The following PTPRR variants were observed in gnomAD, a reference collection of about 807,000 sequenced individuals.
PTPRR encodes receptor-type tyrosine-protein phosphatase R.
In PTPRR, 38 loss-of-function variants were observed where a neutral mutation model predicts 77.2. That is an observed-to-expected ratio of 0.49 (90% CI 0.38 to 0.65). The LOEUF (loss-of-function observed/expected upper bound fraction) is 0.65, where lower values mean the gene tolerates loss of function less well. Among genes scored for constraint, PTPRR ranks in the 30% least tolerant of loss-of-function variants. The probability of loss-of-function intolerance (pLI) is 0.00; values close to 1 mark genes in which losing one functional copy is unlikely to be tolerated. For synonymous variants in PTPRR, 299 were observed against 283.1 expected (o/e 1.06, Z -0.57); for missense variants, 744 against 799.2 (o/e 0.93, Z 0.83).
At chr12:70,905,166 G>T (rs1270470811) in intron 1 of PTPRR, among the ~76,000 whole-genome samples, 1 of 151,730 alleles carries the variant, frequency 6.6e-6, no homozygotes, top group Non-Finnish European at 1.5e-5. Context: ...TAGGTAGAGG[G>T]GAGGGAGATT....
chr12:70,853,940 G>A (rs1892612174), intron 2 of PTPRR, among the ~76,000 whole-genome samples: 1 of 152,198 alleles, frequency 6.6e-6, no homozygotes, highest in Non-Finnish European at 1.5e-5. Context: ...GGTCGTAGAT[G>A]TGTGTTTGTG....
At chr12:70,677,748 G>A (rs1041927107) in intron 10 of PTPRR, among the ~76,000 whole-genome samples, 4 of 152,140 alleles carry the variant, frequency 2.6e-5, no homozygotes, top group African/African-American at 4.8e-5. Context: ...GCATCCCTGG[G>A]ATGAATTCCC....
chr12:70,894,784 T>A (rs1419856582), intron 1 of PTPRR, among the ~76,000 whole-genome samples: 2 of 151,744 alleles, frequency 1.3e-5, no homozygotes. Flanking sequence ...TCCGAGGAAC[T>A]CATTTAATAT....
intron 2 of PTPRR, among the ~76,000 whole-genome samples, chr12:70,850,099 C>T (rs921096001): frequency 6.6e-6 from 1 of 152,186 alleles, no homozygotes; most frequent in East Asian, 1.9e-4. Flanking sequence ...TGGTGGCTCA[C>T]CTCTGTAATC....
chr12:70,730,314 C>T (rs1419414628), intron 6 of PTPRR, among the ~76,000 whole-genome samples: 1 of 152,138 alleles, frequency 6.6e-6, no homozygotes, highest in Non-Finnish European at 1.5e-5. Context: ...AGTTCAAGAC[C>T]TGCCTGGCCA....
rs143735315 is a variant in PTPRR at position 70,744,762 on chromosome 12, A to C, written c.1007+1056T>G. Among the ~76,000 whole-genome samples, 462 of 152,330 alleles carry C rather than the reference A, an allele frequency of 3.0e-3. 5 individuals are homozygous for C. The highest frequency in any genetic ancestry group is 9.5e-3 in the African/African-American group (394 of 41,576). ...GGGGTTAGAAAATGGAGACATGGAA[A>C]ATAAGAGGAGAATGAACCTGGGATA... On this transcript the variant is annotated intron_variant, in intron 6 of 13. Transcript: ENST00000283228.
intron 10 of PTPRR, among the ~76,000 whole-genome samples, chr12:70,677,547 G>C (rs1187054209): frequency 6.6e-6 from 1 of 152,126 alleles, no homozygotes; most frequent in East Asian, 1.9e-4. Flanking sequence ...TTGTGGGCTT[G>C]TCATATATGG....
At chr12:70,912,200 T>C (rs1227995297) in intron 1 of PTPRR, among the ~76,000 whole-genome samples, 1 of 152,232 alleles carries the variant, frequency 6.6e-6, no homozygotes, top group Non-Finnish European at 1.5e-5. Context: ...TGATCATTTT[T>C]CCCAGATAAG....
chr12:70,892,597 A>G, intron 2 of PTPRR, 82 bp downstream of exon 2: 1 of 1,485,962 alleles, frequency 6.7e-7, no homozygotes, highest in Non-Finnish European at 9.2e-7. Context: ...AACTATTCAC[A>G]ATCAGTGTTT....
rs1890565468 is a variant in PTPRR, at chr12:70,756,440, G to A, written c.628-2139C>T. Among the ~76,000 whole-genome samples the A allele has an allele frequency of 1.3e-5, 2 of 152,092 alleles. 1 individual carries two copies. Among genetic ancestry groups the A allele is most frequent in the South Asian group, 4.1e-4 (2 of 4,826 alleles). On this transcript the variant is annotated intron_variant, in intron 4 of 13. Coordinates refer to ENST00000283228, the MANE Select transcript of PTPRR (RefSeq NM_002849.4). ...AATAAATGGACAAGTTTGTAGTTAA[G>A]AGCTCACAAATCAAAAGACTATAAT...
At chr12:70,853,566 C>G (rs1234420149) in intron 2 of PTPRR, among the ~76,000 whole-genome samples, 1 of 152,214 alleles carries the variant, frequency 6.6e-6, no homozygotes, top group African/African-American at 2.4e-5. Context: ...CCTTTCCACT[C>G]AATATTGCTC....
At position 70,705,981 on chromosome 12, in the gene PTPRR, A is replaced by T. The variant is rs144852300; in HGVS notation, c.1008-4658T>A. ...CCACAACTTATTTAATTTTGCACAT[A>T]CAATTTTTCTACATAGTTTTCTAGA... On this transcript the variant is annotated intron_variant, in intron 6 of 13. Coordinates refer to ENST00000283228, the MANE Select transcript of PTPRR (RefSeq NM_002849.4). Among the ~76,000 whole-genome samples the T allele has an allele frequency of 3.8e-3, 577 of 152,168 alleles. 8 individuals carry two copies. The highest frequency in any genetic ancestry group is 0.013 in the African/African-American group (553 of 41,548).
intron 3 of PTPRR, among the ~76,000 whole-genome samples, chr12:70,764,363 G>A (rs1890762843): frequency 6.6e-6 from 1 of 152,074 alleles, no homozygotes; most frequent in African/African-American, 2.4e-5. Flanking sequence ...ATTTACCACA[G>A]GACCTAGACT....
chr12:70,660,896 A>G, intron 12 of PTPRR, 44 bp downstream of exon 12: 4 of 1,541,864 alleles, frequency 2.6e-6, no homozygotes, highest in Non-Finnish European at 3.5e-6. Context: ...GACTTTACAA[A>G]GAATGGGCCA....
intron 4 of PTPRR, among the ~76,000 whole-genome samples, chr12:70,758,893 G>C (rs1240059445): frequency 6.6e-6 from 1 of 152,070 alleles, no homozygotes; most frequent in East Asian, 1.9e-4. Context: ...TATTTTTCTG[G>C]CTTTAGATAT....
Position 70,701,173 on chromosome 12 carries a change from G to A in PTPRR, c.1158C>T (p.Val386=), listed in dbSNP as rs768949997. The change falls in exon 7 of 14, where the codon GTC becomes GTT. Residue 386 remains valine (V), a synonymous_variant. Transcript: ENST00000283228. ...RILTRSQLRD[V]VASSHLLQSE... is the part of the protein sequence containing the mutation. ...TTTGGAGTAAATGTGAACTTGCCAC[G>A]ACGTCCCTCAGCTGAGACCTTGTGA... is the stretch of plus-strand genomic sequence containing the variant. 56 of 1,613,736 alleles carry A rather than the reference G, an allele frequency of 3.5e-5. No individual in the cohort carries two copies. The highest frequency in any genetic ancestry group is 4.5e-5 in the Non-Finnish European group (53 of 1,179,916).
intron 10 of PTPRR, among the ~76,000 whole-genome samples, chr12:70,680,901 G>A (rs1390804864): frequency 6.6e-6 from 1 of 152,098 alleles, no homozygotes; most frequent in African/African-American, 2.4e-5. Flanking sequence ...ACTGGTTTGG[G>A]TGGGACTCGC....
chr12:70,848,282 A>G (rs1892518319), intron 2 of PTPRR, among the ~76,000 whole-genome samples: 1 of 152,208 alleles, frequency 6.6e-6, no homozygotes, highest in Non-Finnish European at 1.5e-5. Context: ...TTATTCTCAT[A>G]GTATTATTCC....
rs1233778701 is a variant in PTPRR, at chr12:70,747,143, C to T, written c.739-1057G>A. On this transcript the variant is annotated intron_variant, in intron 5 of 13. Transcript: ENST00000283228. ...AAAGACTGAAGATGAATGCCTTTATCATGTGCATAGTGTCTAAGGTTTTTA... is the reference window on the plus strand; with the variant it reads ...AAAGACTGAAGATGAATGCCTTTATTATGTGCATAGTGTCTAAGGTTTTTA... Among the ~76,000 whole-genome samples the T allele has an allele frequency of 2.0e-5, 3 of 152,222 alleles. No individual in the cohort carries two copies. The East Asian group carries it at 5.8e-4, about 29-fold the overall frequency.
Sources: allele counts gnomAD v4.1 joint callset (sites outside exome capture counted in the v4.1 genomes callset), GRCh38; gene constraint gnomAD v4.1.1; transcripts MANE v1.5; gene names NCBI Gene and HGNC (gene_info 2026-07-23, HGNC 2026-07-21).